Variants in ZPBP observed in about 807,000 individuals in gnomAD.
ZPBP encodes the protein zona pellucida-binding protein 1.
ZPBP carries 26 observed loss-of-function variants against 44.8 expected under a neutral mutation model. That is an observed-to-expected ratio of 0.58 (90% CI 0.43 to 0.81). The LOEUF (loss-of-function observed/expected upper bound fraction) is 0.81, where lower values mean the gene tolerates loss of function less well. Ranked by LOEUF, ZPBP falls within the 30% of genes least tolerant of loss-of-function variation. ZPBP has a pLI of 0.00. For synonymous variants in ZPBP, 174 were observed against 153.2 expected, an observed-to-expected ratio of 1.14 and a Z score of -1.00; for missense variants, 409 against 434.0, an observed-to-expected ratio of 0.94 and a Z score of 0.51.
At chr7:49,911,032 A>G (rs1229268809) in intron 1 of ZPBP, among the ~76,000 whole-genome samples, 1 of 152,202 alleles carries the variant, frequency 6.6e-6, no homozygotes, top group Non-Finnish European at 1.5e-5. Context: ...TGCTTGTTTT[A>G]AGATATCTCT....
At chr7:49,990,654 G>T (rs577467378) in intron 6 of ZPBP, among the ~76,000 whole-genome samples, 1 of 151,940 alleles carries the variant, frequency 6.6e-6, no homozygotes, top group Non-Finnish European at 1.5e-5. Context: ...ATTGGTTGAT[G>T]GTTCAGGAAA....
chr7:49,910,424 A>C (rs1459841605), intron 1 of ZPBP, among the ~76,000 whole-genome samples: 6 of 152,216 alleles, frequency 3.9e-5, no homozygotes, highest in Non-Finnish European at 5.9e-5. Flanking sequence ...AGATATTAGA[A>C]GCAAAGAAGG....
chr7:49,936,045 A>T (rs935715826), downstream of ZPBP: 15 of 152,242 alleles, frequency 9.9e-5, no homozygotes, highest in African/African-American at 3.4e-4. Context: ...CAAAAAGGAA[A>T]GAACATGTAT....
chr7:50,026,797 G>T (rs1174817024), intron 5 of ZPBP, among the ~76,000 whole-genome samples: 1 of 151,848 alleles, frequency 6.6e-6, no homozygotes, highest in Non-Finnish European at 1.5e-5. Context: ...CAAATTGCCA[G>T]ACTCCCTTCC....
chr7:50,050,655 G>A (rs900711818), intron 4 of ZPBP, among the ~76,000 whole-genome samples: 6 of 151,706 alleles, frequency 4.0e-5, no homozygotes, highest in Non-Finnish European at 5.9e-5. Flanking sequence ...AAGGAAACCT[G>A]TGCTGGGAGA....
At chr7:49,986,468 C>T (rs11767462) in intron 6 of ZPBP, among the ~76,000 whole-genome samples, 39,938 of 152,088 alleles carry the variant, frequency 0.26, 6,519 homozygotes, top group Non-Finnish European at 0.37. Flanking sequence ...CATTCCCTGC[C>T]ACGTGTGTAT....
chr7:50,019,247 A>T (rs538892729), intron 5 of ZPBP, among the ~76,000 whole-genome samples: 6 of 152,100 alleles, frequency 3.9e-5, no homozygotes, highest in Non-Finnish European at 8.8e-5. Context: ...TGTTTTTCCC[A>T]TAACTCTACT....
intron 7 of ZPBP, among the ~76,000 whole-genome samples, chr7:49,978,620 G>A (rs1055343075): frequency 7.9e-5 from 12 of 151,712 alleles, no homozygotes; most frequent in African/African-American, 2.9e-4. Flanking sequence ...ATTTTATTCT[G>A]GACAGAAGTT....
intron 2 of ZPBP, among the ~76,000 whole-genome samples, chr7:49,870,592 G>A (rs1791108231): frequency 6.6e-6 from 1 of 152,140 alleles, no homozygotes; most frequent in Non-Finnish European, 1.5e-5. Context: ...TGTCTTACGA[G>A]TAGGATTTTC....
At chr7:50,082,928 A>T (rs939357804) in intron 2 of ZPBP, among the ~76,000 whole-genome samples, 1 of 151,768 alleles carries the variant, frequency 6.6e-6, no homozygotes, top group African/African-American at 2.4e-5. Flanking sequence ...CCTCAGCATG[A>T]TTTACTGGCC....
At chr7:50,089,548 A>C (rs1309256419) in intron 2 of ZPBP, 81 bp downstream of exon 2, 13 of 1,059,826 alleles carry the variant, frequency 1.2e-5, no homozygotes, top group Non-Finnish European at 1.6e-5. Context: ...AATGAAGAGC[A>C]TTAGCCTTTT....
chr7:50,058,216 A>G, intron 3 of ZPBP, 75 bp from the exon 4 acceptor site: 2 of 1,490,532 alleles, frequency 1.3e-6, no homozygotes, highest in South Asian at 2.3e-5. Flanking sequence ...TCAGCAAGGT[A>G]AAACCATCAT....
chr7:49,987,277 A>G (rs1332224546), intron 6 of ZPBP, among the ~76,000 whole-genome samples: 1 of 152,182 alleles, frequency 6.6e-6, no homozygotes, highest in Non-Finnish European at 1.5e-5. Context: ...TCCAAGTTAT[A>G]AGTATATTTA....
chr7:49,902,400 G>C (rs1213535016), intron 1 of ZPBP, among the ~76,000 whole-genome samples: 7 of 151,956 alleles, frequency 4.6e-5, no homozygotes, highest in Admixed American at 2.0e-4. Context: ...ACATAGATCA[G>C]TGGAACAGCA....
chr7:49,883,143 C>A (rs1052975459), intron 2 of ZPBP, among the ~76,000 whole-genome samples: 1 of 152,108 alleles, frequency 6.6e-6, no homozygotes, highest in African/African-American at 2.4e-5. Flanking sequence ...AGGAGGAAGG[C>A]GCAGGGAGCT....
intron 3 of ZPBP, among the ~76,000 whole-genome samples, chr7:50,076,973 G>T (rs1802123242): frequency 1.3e-5 from 2 of 151,790 alleles, no homozygotes; most frequent in Non-Finnish European, 3.0e-5. Context: ...AAAACTGGAG[G>T]AATCACATTA....
chr7:50,056,894 A>G (rs867024576), intron 4 of ZPBP, among the ~76,000 whole-genome samples: 2 of 152,134 alleles, frequency 1.3e-5, no homozygotes, highest in Non-Finnish European at 2.9e-5. Context: ...CCAGTAAAAC[A>G]GTAGGCCTTG....
At chr7:50,036,663 T>TA (rs1799842606) in intron 4 of ZPBP, among the ~76,000 whole-genome samples, 2 of 152,296 alleles carry the variant, frequency 1.3e-5, no homozygotes, top group Non-Finnish European at 2.9e-5. Flanking sequence ...GAAATCATAG[T>TA]AAATATGACT....
intron 4 of ZPBP, 36 bp from the exon 5 acceptor site, chr7:50,031,346 G>T: frequency 6.6e-7 from 1 of 1,504,542 alleles, no homozygotes. Context: ...CACAAAAATG[G>T]TTATTTAAAT....
Sources: allele counts gnomAD v4.1 joint callset (sites outside exome capture counted in the v4.1 genomes callset), GRCh38; gene constraint gnomAD v4.1.1; transcripts MANE v1.5; gene names NCBI Gene and HGNC (gene_info 2026-07-23, HGNC 2026-07-21).